EXOC2: variants seen among roughly 807,000 people sequenced by gnomAD.
EXOC2 encodes exocyst complex component 2, also known as SEC5-like 1.
EXOC2 carries 70 observed loss-of-function variants against 131.8 expected under a neutral mutation model. The observed-to-expected ratio is 0.53, with a 90% CI of 0.44 to 0.65. The LOEUF is 0.65. Ranked by LOEUF, EXOC2 falls within the 30% of genes least tolerant of loss-of-function variation. The pLI is 0.00. For synonymous variants in EXOC2, 411 were observed against 398.4 expected (o/e 1.03, Z -0.38); for missense variants, 923 against 1,108.6 (o/e 0.83, Z 2.38).
At chr6:496,700 AT>A (rs952318866) in intron 25 of EXOC2, among the ~76,000 whole-genome samples, 2 of 151,930 alleles carry the variant, frequency 1.3e-5, no homozygotes, top group African/African-American at 4.8e-5. Flanking sequence ...GTCTTCAGGG[AT>A]TTTTTCAAAA....
At chr6:621,089 G>C (rs1018872114) in intron 4 of EXOC2, among the ~76,000 whole-genome samples, 1 of 152,150 alleles carries the variant, frequency 6.6e-6, no homozygotes, top group African/African-American at 2.4e-5. Flanking sequence ...CCACGTTCAG[G>C]TGACCAGTGC....
chr6:675,295 GAAA>G (rs1400837304), intron 1 of EXOC2, among the ~76,000 whole-genome samples: 1 of 152,154 alleles, frequency 6.6e-6, no homozygotes, highest in Non-Finnish European at 1.5e-5. Flanking sequence ...GTGGAGGAAA[GAAA>G]GCAAAAAACA....
chr6:640,097 G>A (rs1408073645), intron 1 of EXOC2, among the ~76,000 whole-genome samples: 1 of 152,198 alleles, frequency 6.6e-6, no homozygotes, highest in Non-Finnish European at 1.5e-5. Context: ...GGCTCCAGGT[G>A]TAGTGTTTGA....
At chr6:633,293 T>C (rs536980606) in intron 2 of EXOC2, among the ~76,000 whole-genome samples, 176 bp from the exon 3 acceptor site, 48 of 152,366 alleles carry the variant, frequency 3.2e-4, no homozygotes, top group African/African-American at 1.1e-3. Flanking sequence ...CCTGTTTTTT[T>C]CTCCAATATT....
chr6:495,340 G>A (rs963775520), intron 25 of EXOC2, among the ~76,000 whole-genome samples: 4 of 152,030 alleles, frequency 2.6e-5, no homozygotes, highest in South Asian at 2.1e-4. Flanking sequence ...TAGCCAGGAT[G>A]GTCTCGATCT....
rs753970891 is a variant in EXOC2 at position 576,744 on chromosome 6, G to A, written c.1318+13C>T. ...ATTTAAAAGACCCAGTGGCAGTGGA[G>A]GGAGATACTTACTGTCGTCTCGACC... On this transcript the variant is annotated intron_variant, in intron 12 of 27. Transcript: ENST00000230449. 1.2e-5 allele frequency: 20 copies of A among 1,612,504 alleles called. 1 individual carries two copies. Among genetic ancestry groups the A allele is most frequent in the Non-Finnish European group, 1.5e-5 (18 of 1,179,294 alleles).
chr6:507,850 C>T (rs762153886), intron 23 of EXOC2, among the ~76,000 whole-genome samples: 41 of 152,188 alleles, frequency 2.7e-4, no homozygotes, highest in Non-Finnish European at 5.6e-4. Context: ...TAGAGAAGGT[C>T]GACATTAAAG....
rs1482751290 is a variant in EXOC2 at position 656,311 on chromosome 6, G to T, written c.-43-18450C>A. The T allele has an allele frequency of 1.5e-5, 25 of 1,614,046 alleles. No homozygotes were observed. The highest frequency in any genetic ancestry group is 2.1e-5 in the Non-Finnish European group (25 of 1,180,034). On this transcript the variant is annotated intron_variant, in intron 1 of 27. Coordinates refer to ENST00000230449, the MANE Select transcript of EXOC2 (RefSeq NM_018303.6). ...TTTTCAGGCACACCCACAGCCGACT[G>T]GGGAGGGTTTCCAAGATTTTTAAAA...
chr6:549,055 T>C (rs1757007922), intron 22 of EXOC2, 120 bp downstream of exon 22: 2 of 756,786 alleles, frequency 2.6e-6, no homozygotes, highest in Admixed American at 3.8e-5. Flanking sequence ...GGAAGCAGTG[T>C]GGCTGTGGGG....
At chr6:545,603 A>AT (rs1756806286) in intron 22 of EXOC2, among the ~76,000 whole-genome samples, 1 of 152,240 alleles carries the variant, frequency 6.6e-6, no homozygotes, top group South Asian at 2.1e-4. Flanking sequence ...ATGAAAGCCT[A>AT]TTTTAACCTA....
chr6:507,294 T>TAC (rs70982901), intron 23 of EXOC2, among the ~76,000 whole-genome samples: 2,025 of 71,618 alleles, frequency 0.028, 87 homozygotes, highest in African/African-American at 0.074. Flanking sequence ...CAGCAGTGAC[T>TAC]ACACACACAC....
chr6:650,197 T>C (rs536195202), intron 1 of EXOC2, among the ~76,000 whole-genome samples: 91 of 152,340 alleles, frequency 6.0e-4, no homozygotes, highest in African/African-American at 2.1e-3. Flanking sequence ...TGTAAGTCTA[T>C]TGAAACATTT....
intron 4 of EXOC2, among the ~76,000 whole-genome samples, chr6:627,503 A>C (rs1761638524): frequency 6.6e-6 from 1 of 152,102 alleles, no homozygotes; most frequent in Non-Finnish European, 1.5e-5. Flanking sequence ...CCTTTCTCTG[A>C]TCATTGGCTA....
intron 1 of EXOC2, among the ~76,000 whole-genome samples, chr6:659,366 C>T (rs557503281): frequency 1.1e-4 from 16 of 152,256 alleles, no homozygotes; most frequent in African/African-American, 3.9e-4. Flanking sequence ...GGTGTTTTCC[C>T]TAACTGCCCT....
chr6:610,431 T>C lies in EXOC2; in HGVS notation c.662-253A>G, dbSNP rs998777. Reference sequence around the variant, plus strand: ...AGAACAAGTGGTAAAAACAGTTGAATTGAAAAAGAAAAGGGAGACTTGAGG... The same window carrying C: ...AGAACAAGTGGTAAAAACAGTTGAACTGAAAAAGAAAAGGGAGACTTGAGG... On this transcript the variant is annotated intron_variant, in intron 6 of 27. Coordinates refer to ENST00000230449, the MANE Select transcript of EXOC2 (RefSeq NM_018303.6). Among the ~76,000 whole-genome samples, 17,122 of 152,102 alleles carry C rather than the reference T, an allele frequency of 0.11. 1,179 individuals carry two copies. The highest frequency in any genetic ancestry group is 0.15 in the East Asian group (771 of 5,180).
intron 4 of EXOC2, among the ~76,000 whole-genome samples, chr6:628,972 C>CT (rs1330344219): frequency 6.6e-6 from 1 of 152,210 alleles, no homozygotes. Context: ...TCAACACGTG[C>CT]TACTTTCCCA....
At chr6:653,016 G>A (rs1762901388) in intron 1 of EXOC2, among the ~76,000 whole-genome samples, 1 of 152,150 alleles carries the variant, frequency 6.6e-6, no homozygotes, top group Non-Finnish European at 1.5e-5. Flanking sequence ...TGTGATGAGT[G>A]TTCTTTGATG....
At chr6:493,201 T>C (rs1336713852) in intron 25 of EXOC2, among the ~76,000 whole-genome samples, 1 of 152,214 alleles carries the variant, frequency 6.6e-6, no homozygotes, top group Non-Finnish European at 1.5e-5. Flanking sequence ...TCAAAGCAGA[T>C]ATATATGACA....
Position 667,526 on chromosome 6 carries a change from C to T in EXOC2, c.-44+25493G>A, listed in dbSNP as rs1427044215. Among the ~76,000 whole-genome samples, 4 of 96,922 alleles carry T rather than the reference C, an allele frequency of 4.1e-5. 2 individuals carry two copies. Among genetic ancestry groups the T allele is most frequent in the Non-Finnish European group, 9.8e-5 (4 of 40,976 alleles). The allele number at this position is 96,922 out of a possible 152,430, so 63.6% of individuals were successfully genotyped here. A position where few individuals can be genotyped will look rare whatever the true frequency, so the allele number is the denominator to read the frequency against. On this transcript the variant is annotated intron_variant, in intron 1 of 27. Transcript: ENST00000230449. Reference sequence around the variant, plus strand: ...CCATTGTGAGCAGGCACCACAAAGCCGCTGAGGGTCTTGATCAAAGAAAAA... The same window carrying T: ...CCATTGTGAGCAGGCACCACAAAGCTGCTGAGGGTCTTGATCAAAGAAAAA...
Sources: allele counts gnomAD v4.1 joint callset (sites outside exome capture counted in the v4.1 genomes callset), GRCh38; gene constraint gnomAD v4.1.1; transcripts MANE v1.5; gene names NCBI Gene and HGNC (gene_info 2026-07-23, HGNC 2026-07-21).